The following ENTREP2 variants were observed in gnomAD, a reference collection of about 807,000 sequenced individuals.
ENTREP2 encodes the protein protein ENTREP2.
the ENTREP2 span, among the ~76,000 whole-genome samples, chr15:29,411,335 G>T: frequency 6.6e-6 from 1 of 152,036 alleles, no homozygotes; most frequent in East Asian, 1.9e-4. Flanking sequence ...GAATTCTCCT[G>T]ATCCACATTC....
At chr15:29,491,940 T>C in the ENTREP2 span, among the ~76,000 whole-genome samples, 1 of 152,328 alleles carries the variant, frequency 6.6e-6, no homozygotes, top group African/African-American at 2.4e-5. Context: ...GCTAGACCTT[T>C]TCCTGCACTC....
chr15:29,162,480 G>A, the ENTREP2 span, among the ~76,000 whole-genome samples: 2 of 152,128 alleles, frequency 1.3e-5, no homozygotes, highest in African/African-American at 4.8e-5. Flanking sequence ...GGCATGGTGG[G>A]AGTGAGACTG....
chr15:29,127,397 GC>G, the ENTREP2 span, among the ~76,000 whole-genome samples: 154 of 152,240 alleles, frequency 1.0e-3, no homozygotes, highest in African/African-American at 3.4e-3. Flanking sequence ...AGGCGTGGGG[GC>G]TTTGGGTCTG....
chr15:29,164,646 T>A, the ENTREP2 span, among the ~76,000 whole-genome samples: 1 of 152,160 alleles, frequency 6.6e-6, no homozygotes, highest in African/African-American at 2.4e-5. Context: ...TAAAAATATA[T>A]GCATCTAACA....
At chr15:29,224,566 A>C in the ENTREP2 span, among the ~76,000 whole-genome samples, 2 of 152,174 alleles carry the variant, frequency 1.3e-5, no homozygotes, top group African/African-American at 2.4e-5. Context: ...AGCTAGACAC[A>C]AAAGTTCTCC....
At chr15:29,179,181 T>A in the ENTREP2 span, among the ~76,000 whole-genome samples, 39 of 152,370 alleles carry the variant, frequency 2.6e-4, no homozygotes, top group Non-Finnish European at 3.4e-4. Context: ...TGGCTTTACT[T>A]TGGTCTAACC....
chr15:29,207,079 T>A, the ENTREP2 span, among the ~76,000 whole-genome samples: 1 of 152,128 alleles, frequency 6.6e-6, no homozygotes, highest in Admixed American at 6.5e-5. Flanking sequence ...CCTGCAGCAG[T>A]GCCCTCAGCC....
chr15:29,606,299 A>G, the ENTREP2 span, among the ~76,000 whole-genome samples: 1 of 149,238 alleles, frequency 6.7e-6, no homozygotes, highest in Non-Finnish European at 1.5e-5. Flanking sequence ...CAGTGGCTCA[A>G]TCTCGGCTCA....
chr15:29,379,058 C>T, the ENTREP2 span, among the ~76,000 whole-genome samples: 1 of 152,168 alleles, frequency 6.6e-6, no homozygotes, highest in African/African-American at 2.4e-5. Flanking sequence ...AAAAAACTAC[C>T]CAGCAAAATC....
At chr15:29,264,246 G>T in the ENTREP2 span, among the ~76,000 whole-genome samples, 666 of 151,836 alleles carry the variant, frequency 4.4e-3, 4 homozygotes, top group Non-Finnish European at 6.9e-3. Context: ...GCAAAAGCCA[G>T]CTTTAAGGGG....
At chr15:29,478,015 ATATATT>A in the ENTREP2 span, among the ~76,000 whole-genome samples, 3 of 62,402 alleles carry the variant, frequency 4.8e-5, no homozygotes, top group Non-Finnish European at 5.3e-5. Context: ...ATATATATAT[ATATATT>A]TTTTTTTTTT....
At chr15:29,570,020 G>A in the ENTREP2 span, 3 of 151,022 alleles carry the variant, frequency 2.0e-5, no homozygotes, top group Admixed American at 6.6e-5. Flanking sequence ...AAAACCCGAC[G>A]GGAGGCGCCC....
chr15:29,331,358 C>T, the ENTREP2 span, among the ~76,000 whole-genome samples: 1 of 151,942 alleles, frequency 6.6e-6, no homozygotes, highest in Non-Finnish European at 1.5e-5. Context: ...GGACACCTCT[C>T]ATACTACCCT....
chr15:29,303,092 G>C, the ENTREP2 span, among the ~76,000 whole-genome samples: 207 of 152,162 alleles, frequency 1.4e-3, no homozygotes, highest in African/African-American at 4.9e-3. Flanking sequence ...AAGCTTCTAA[G>C]ATACTTCGGA....
the ENTREP2 span, among the ~76,000 whole-genome samples, chr15:29,379,792 C>CG: frequency 6.6e-6 from 1 of 152,014 alleles, no homozygotes; most frequent in Non-Finnish European, 1.5e-5. Flanking sequence ...GGGTGGCGCG[C>CG]GGGGGTGATT....
chr15:29,166,189 T>A, the ENTREP2 span, among the ~76,000 whole-genome samples: 2 of 152,116 alleles, frequency 1.3e-5, no homozygotes, highest in African/African-American at 4.8e-5. Context: ...ATAAAAGCCA[T>A]CTATGACAAA....
chr15:29,126,259 C>T, the ENTREP2 span: 1 of 1,456,156 alleles, frequency 6.9e-7, no homozygotes, highest in Non-Finnish European at 9.1e-7. Flanking sequence ...TGAGCCTGGC[C>T]AACCTACCTG....
the ENTREP2 span, among the ~76,000 whole-genome samples, chr15:29,408,435 G>A: frequency 6.6e-6 from 1 of 152,194 alleles, no homozygotes; most frequent in Non-Finnish European, 1.5e-5. Flanking sequence ...GAACGCCCTG[G>A]TGGGATGGAT....
At chr15:29,147,852 TAA>T in the ENTREP2 span, among the ~76,000 whole-genome samples, 1 of 152,128 alleles carries the variant, frequency 6.6e-6, no homozygotes, top group African/African-American at 2.4e-5. Flanking sequence ...AGGATGTTCA[TAA>T]CAGCATTATT....
Sources: gnomAD v4.1 joint callset for allele counts (sites outside exome capture counted in the v4.1 genomes callset) on GRCh38, gnomAD v4.1.1 for gene constraint, MANE v1.5 for transcripts, NCBI Gene and HGNC (gene_info 2026-07-23, HGNC 2026-07-21) for gene names.